The following CLNK variants were observed in gnomAD, a reference collection of about 807,000 sequenced individuals.
The protein encoded by CLNK is cytokine dependent hematopoietic cell linker.
Under a neutral mutation model 68.6 loss-of-function variants are expected in CLNK, and 74 were observed. The observed-to-expected ratio is 1.08, with a 90% CI of 0.89 to 1.31. CLNK has a LOEUF of 1.31. Ranked by LOEUF, CLNK falls within the 50% of genes most tolerant of loss-of-function variation. The probability of loss-of-function intolerance (pLI) is 0.00; values close to 1 mark genes in which losing one functional copy is unlikely to be tolerated. For synonymous variants in CLNK, 198 were observed against 172.2 expected, an observed-to-expected ratio of 1.15 and a Z score of -1.17; for missense variants, 553 against 515.3, an observed-to-expected ratio of 1.07 and a Z score of -0.71.
At chr4:10,709,710 A>C in the CLNK span, among the ~76,000 whole-genome samples, 7 of 152,178 alleles carry the variant, frequency 4.6e-5, no homozygotes, top group African/African-American at 1.7e-4. Flanking sequence ...TTTTAAGACC[A>C]GGCCTCCAGG....
chr4:10,681,825 T>C (rs960368816), intron 1 of CLNK, among the ~76,000 whole-genome samples: 2 of 152,112 alleles, frequency 1.3e-5, no homozygotes, highest in African/African-American at 4.8e-5. Context: ...TTCTGGCATA[T>C]CCTCCTATTC....
At chr4:10,678,737 C>A (rs1307747609) in intron 1 of CLNK, among the ~76,000 whole-genome samples, 2 of 151,572 alleles carry the variant, frequency 1.3e-5, no homozygotes, top group Non-Finnish European at 2.9e-5. Context: ...CAATAACAGA[C>A]AAACAGAGAG....
upstream of CLNK, among the ~76,000 whole-genome samples, chr4:10,687,469 G>A (rs1725308785): frequency 2.0e-5 from 3 of 151,904 alleles, no homozygotes; most frequent in Non-Finnish European, 4.4e-5. Flanking sequence ...GAAGAGGAGA[G>A]AAGGAAGGAA....
At chr4:10,496,104 T>C (rs1183595123) in intron 18 of CLNK, among the ~76,000 whole-genome samples, 1 of 152,158 alleles carries the variant, frequency 6.6e-6, no homozygotes, top group Non-Finnish European at 1.5e-5. Context: ...TCTATGTGTC[T>C]GCCACTATTT....
chr4:10,675,360 T>C (rs1724828295), intron 1 of CLNK, among the ~76,000 whole-genome samples: 1 of 152,230 alleles, frequency 6.6e-6, no homozygotes, highest in South Asian at 2.1e-4. Context: ...AGACTTGTTT[T>C]ATAAATAGGC....
chr4:10,515,684 A>T (rs1206052185), intron 15 of CLNK, among the ~76,000 whole-genome samples: 1 of 152,234 alleles, frequency 6.6e-6, no homozygotes, highest in Non-Finnish European at 1.5e-5. Context: ...TGTATCTGCC[A>T]CTGTAACATA....
intron 3 of CLNK, among the ~76,000 whole-genome samples, chr4:10,595,105 C>A (rs1721337333): frequency 6.6e-6 from 1 of 152,096 alleles, no homozygotes; most frequent in African/African-American, 2.4e-5. Context: ...CCAAACCAAA[C>A]CAAACCAAAA....
chr4:10,658,268 A>T (rs2108886990), intron 2 of CLNK, among the ~76,000 whole-genome samples: 1 of 152,340 alleles, frequency 6.6e-6, no homozygotes, highest in South Asian at 2.1e-4. Flanking sequence ...AATGTTCTTC[A>T]TGGTGGAATA....
chr4:10,706,279 G>A, the CLNK span, among the ~76,000 whole-genome samples: 3 of 152,226 alleles, frequency 2.0e-5, no homozygotes, highest in Non-Finnish European at 4.4e-5. Context: ...TAAACCTCCC[G>A]TGTCCTTCCA....
At chr4:10,559,069 C>A (rs1020547712) in intron 7 of CLNK, among the ~76,000 whole-genome samples, 2 of 152,174 alleles carry the variant, frequency 1.3e-5, no homozygotes, top group African/African-American at 4.8e-5. Context: ...ACACTGAATT[C>A]ATGTATCACT....
intron 2 of CLNK, among the ~76,000 whole-genome samples, chr4:10,634,810 G>A (rs935919075): frequency 4.3e-5 from 6 of 140,522 alleles, no homozygotes; most frequent in Non-Finnish European, 9.2e-5. Flanking sequence ...GGTGAGGAAG[G>A]ATCTGAGAAT....
chr4:10,689,474 G>A (rs1036568720), upstream of CLNK, among the ~76,000 whole-genome samples: 2 of 152,076 alleles, frequency 1.3e-5, no homozygotes, highest in African/African-American at 4.8e-5. Flanking sequence ...TTTAAATGAA[G>A]AAAGAAGTCT....
chr4:10,702,833 T>G, the CLNK span, among the ~76,000 whole-genome samples: 1 of 152,294 alleles, frequency 6.6e-6, no homozygotes, highest in East Asian at 1.9e-4. Flanking sequence ...AATAAGCAGA[T>G]GGACCCCCAT....
At chr4:10,491,481 T>C (rs1475681873) in intron 18 of CLNK, among the ~76,000 whole-genome samples, 2 of 152,248 alleles carry the variant, frequency 1.3e-5, no homozygotes, top group Non-Finnish European at 2.9e-5. Context: ...CGGGGCTGCT[T>C]AGCTAATTTA....
chr4:10,659,836 G>T (rs984219005), intron 2 of CLNK, among the ~76,000 whole-genome samples: 2 of 151,640 alleles, frequency 1.3e-5, no homozygotes, highest in Admixed American at 6.6e-5. Flanking sequence ...TCCTGATATT[G>T]GTCCCAAATC....
the CLNK span, among the ~76,000 whole-genome samples, chr4:10,714,833 C>T: frequency 6.6e-6 from 1 of 152,058 alleles, no homozygotes; most frequent in Non-Finnish European, 1.5e-5. Context: ...TTTGTCAAGC[C>T]ACTACATTAT....
At chr4:10,547,603 A>G (rs1351937020) in intron 8 of CLNK, among the ~76,000 whole-genome samples, 4 of 152,094 alleles carry the variant, frequency 2.6e-5, no homozygotes, top group Non-Finnish European at 4.4e-5. Flanking sequence ...TTATTTGTGC[A>G]CCATAACTGA....
intron 2 of CLNK, among the ~76,000 whole-genome samples, chr4:10,623,799 A>G (rs1310610251): frequency 3.9e-5 from 6 of 152,252 alleles, no homozygotes; most frequent in Non-Finnish European, 7.3e-5. Context: ...GATAATGAAA[A>G]ATACATTTGC....
chr4:10,488,818 T>G lies in CLNK; in HGVS notation c.*1649A>C, dbSNP rs989710662. The G allele has an allele frequency of 2.0e-5, 3 of 152,236 alleles. No individual in the cohort carries two copies. The East Asian group carries it at 5.8e-4, about 29-fold the overall frequency. 9.4% of individuals were successfully genotyped at this position (152,236 alleles called of 1,614,324 possible). Reference sequence around the variant, plus strand: ...AAAAGAGATAATCCTGCACATTGTTTTTATTGTTTTCATTTGCTTCTATTG... The same window carrying G: ...AAAAGAGATAATCCTGCACATTGTTGTTATTGTTTTCATTTGCTTCTATTG... On this transcript the variant is annotated 3_prime_UTR_variant, in exon 19 of 19. Coordinates refer to ENST00000226951, the MANE Select transcript of CLNK (RefSeq NM_052964.4).
Sources: gnomAD v4.1 joint callset for allele counts (sites outside exome capture counted in the v4.1 genomes callset) on GRCh38, gnomAD v4.1.1 for gene constraint, MANE v1.5 for transcripts, NCBI Gene and HGNC (gene_info 2026-07-23, HGNC 2026-07-21) for gene names.